The following BBX variants were observed in gnomAD, a reference collection of about 807,000 sequenced individuals.
BBX encodes HMG box transcription factor BBX.
A neutral mutation model predicts 100.2 loss-of-function variants in BBX; 30 were observed. The ratio of observed to expected loss-of-function variants is 0.30; its 90% CI spans 0.22 to 0.41. BBX has a LOEUF of 0.41. Ranked by LOEUF, BBX falls within the 10% of genes least tolerant of loss-of-function variation. The probability of loss-of-function intolerance (pLI) is 1.00; values close to 1 mark genes in which losing one functional copy is unlikely to be tolerated. For missense variants in BBX, 1,023 were observed against 1,129.8 expected (o/e 0.91, Z 1.35); for synonymous variants, 376 against 388.1 (o/e 0.97, Z 0.37).
intron 5 of BBX, among the ~76,000 whole-genome samples, chr3:107,723,592 G>A (rs912259687): frequency 1.1e-4 from 16 of 151,980 alleles, no homozygotes; most frequent in African/African-American, 3.9e-4. Context: ...CCCGGTGTGT[G>A]ATGTTCCCCT....
intron 14 of BBX, 104 bp downstream of exon 14, chr3:107,789,980 T>A: frequency 2.3e-6 from 2 of 860,708 alleles, no homozygotes; most frequent in Non-Finnish European, 3.5e-6. Flanking sequence ...TCCTCCCCTC[T>A]GCTTGCTTCA....
chr3:107,687,325 G>A (rs1165431578), intron 3 of BBX, among the ~76,000 whole-genome samples: 3 of 135,272 alleles, frequency 2.2e-5, no homozygotes, highest in Non-Finnish European at 4.7e-5. Context: ...CAGCTACACA[G>A]TTAAGTTTCT....
rs148514910 is a variant in BBX, at chr3:107,773,412, T to A, written c.1691T>A (p.Ile564Asn). ...ATTAGTATTTCTGCTAGCAAGAACA[T>A]TTCTGGTGAGACACCAGAGGGTATA... The part of the protein sequence containing the change: ...DFISISASKN[I>N]SGETPEGIKA... Residue 564 changes from isoleucine to asparagine, a missense_variant, in exon 11 of 18, where the codon ATT becomes AAT. Physicochemically the swap from Ile to Asn is moderately radical, Grantham distance 149. Transcript: ENST00000325805. The surrounding 1 kb of genome is among the most constrained non-coding windows in gnomAD (Gnocchi z 4.1). 65 of 1,613,936 alleles carry A rather than the reference T, an allele frequency of 4.0e-5. No homozygotes were observed. The Middle Eastern group carries it at 6.6e-4, about 16-fold the overall frequency.
At chr3:107,600,621 C>T (rs936369048) in intron 2 of BBX, among the ~76,000 whole-genome samples, 5 of 152,194 alleles carry the variant, frequency 3.3e-5, no homozygotes, top group African/African-American at 7.2e-5. Context: ...AATACACTGG[C>T]TGTTATAACC....
chr3:107,528,251 T>C (rs1236524088), intron 2 of BBX, among the ~76,000 whole-genome samples: 1 of 152,212 alleles, frequency 6.6e-6, no homozygotes, highest in African/African-American at 2.4e-5. Context: ...ACGTTTTTGC[T>C]TCTCCATTTC....
At chr3:107,618,420 T>C (rs1331604524) in intron 2 of BBX, among the ~76,000 whole-genome samples, 1 of 152,104 alleles carries the variant, frequency 6.6e-6, no homozygotes, top group Non-Finnish European at 1.5e-5. Flanking sequence ...CTGCTGTTTC[T>C]TCTTTTCTTA....
chr3:107,698,038 C>T (rs1275694454), intron 3 of BBX, among the ~76,000 whole-genome samples: 1 of 151,854 alleles, frequency 6.6e-6, no homozygotes, highest in Non-Finnish European at 1.5e-5. Flanking sequence ...TGAGGCAATG[C>T]CTCGCCCTGC....
At chr3:107,584,062 ATCATATAT>A (rs1559839780) in intron 2 of BBX, among the ~76,000 whole-genome samples, 1 of 17,760 alleles carries the variant, frequency 5.6e-5, no homozygotes, top group African/African-American at 2.7e-4. Flanking sequence ...TATTATATAT[ATCATATAT>A]TATATATATT....
In BBX at chr3:107,772,615, TTTAA is replaced by T. The variant is rs746925672; in HGVS notation, c.907-10_907-7del. The stretch of plus-strand genomic sequence containing the variant: ...ACTTTCGGGTGCTCTCCCATTTTGT[TTTAA>T]TTGTTTAGATGTGCCTGGCATCAGA... On this transcript the variant is annotated splice_polypyrimidine_tract_variant and intron_variant, in intron 10 of 17. Coordinates refer to ENST00000325805, the MANE Select transcript of BBX (RefSeq NM_001142568.3). 6.4e-7 allele frequency: 1 copy of T among 1,554,266 alleles called. No homozygotes were observed. Among genetic ancestry groups the T allele is most frequent in the South Asian group, 1.2e-5 (1 of 80,112 alleles).
chr3:107,582,066 C>T (rs1026233006), intron 2 of BBX, among the ~76,000 whole-genome samples: 3 of 151,860 alleles, frequency 2.0e-5, no homozygotes, highest in Non-Finnish European at 2.9e-5. Flanking sequence ...TAGGCAGAAG[C>T]AGTTATTTCT....
intron 2 of BBX, among the ~76,000 whole-genome samples, chr3:107,526,966 C>T (rs1396469239): frequency 6.6e-6 from 1 of 152,154 alleles, no homozygotes; most frequent in Non-Finnish European, 1.5e-5. Context: ...TCTTTTAAAA[C>T]TTACATGTTT....
chr3:107,628,656 G>A (rs976982399), intron 2 of BBX, among the ~76,000 whole-genome samples: 2 of 152,030 alleles, frequency 1.3e-5, no homozygotes, highest in Non-Finnish European at 2.9e-5. Context: ...ATTAGGACAC[G>A]TGAAATTGAA....
chr3:107,728,696 GT>G, intron 5 of BBX, 68 bp from the exon 6 acceptor site: 1 of 1,393,452 alleles, frequency 7.2e-7, no homozygotes, highest in Non-Finnish European at 9.9e-7. Flanking sequence ...GGGGAATGGG[GT>G]GACAGCCTTT....
At chr3:107,721,370 TTTTG>T (rs2062515146) in intron 5 of BBX, among the ~76,000 whole-genome samples, 1 of 152,062 alleles carries the variant, frequency 6.6e-6, no homozygotes, top group African/African-American at 2.4e-5. Flanking sequence ...TTTTGTTTTG[TTTTG>T]TTTTTTTTGC....
chr3:107,629,325 A>G (rs146955284), intron 2 of BBX, among the ~76,000 whole-genome samples: 30 of 152,350 alleles, frequency 2.0e-4, no homozygotes, highest in African/African-American at 7.2e-4. Flanking sequence ...CCATGAATAT[A>G]TAAATCCCAA....
chr3:107,774,799 G>A lies in BBX; in HGVS notation c.1996G>A (p.Gly666Arg). ...AGAAAGCTGGACATTTAGTCAGAGT[G>A]GGACCAGTGGGAGCAAGAAGTTCAA... ...NEESWTFSQS[G>R]TSGSKKFKKT... Residue 666 changes from glycine (G) to arginine (R), a missense_variant, in exon 12 of 18, where the codon GGG becomes AGG. Physicochemically the swap from Gly to Arg is moderately radical, Grantham distance 125. Transcript: ENST00000325805. 1 of 1,613,618 alleles carries A rather than the reference G, an allele frequency of 6.2e-7. No homozygotes were observed. Among genetic ancestry groups the A allele is most frequent in the Non-Finnish European group, 8.5e-7 (1 of 1,179,664 alleles).
chr3:107,757,935 A>G (rs1576660703), intron 10 of BBX, among the ~76,000 whole-genome samples: 1 of 152,332 alleles, frequency 6.6e-6, no homozygotes, highest in East Asian at 1.9e-4. Flanking sequence ...AATTTGGGCC[A>G]CACCCATCTC....
chr3:107,779,014 TATATATACACACAC>T lies in BBX; in HGVS notation c.2203+497_2203+510del, dbSNP rs1184861698. Among the ~76,000 whole-genome samples, 37 of 72,478 alleles carry T rather than the reference TATATATACACACAC, an allele frequency of 5.1e-4. 4 individuals are homozygous for T. The highest frequency in any genetic ancestry group is 2.0e-3 in the South Asian group (5 of 2,504). 47.5% of individuals were successfully genotyped at this position (72,478 alleles called of 152,430 possible). Reference sequence around the variant, plus strand: ...AGCAACATATATATATATATATATATATATATACACACACACACACACATATACATTGGTTTTGT... The same window carrying T: ...AGCAACATATATATATATATATATATACACACACATATACATTGGTTTTGT... On this transcript the variant is annotated intron_variant, in intron 13 of 17. Coordinates refer to ENST00000325805, the MANE Select transcript of BBX (RefSeq NM_001142568.3).
At chr3:107,655,924 T>A (rs2107831407) in intron 3 of BBX, among the ~76,000 whole-genome samples, 1 of 152,076 alleles carries the variant, frequency 6.6e-6, no homozygotes, top group African/African-American at 2.4e-5. Context: ...ATGGTCTCGA[T>A]CTCCTGACCT....
Sources: gnomAD v4.1 joint callset for allele counts (sites outside exome capture counted in the v4.1 genomes callset) on GRCh38, gnomAD v4.1.1 for gene constraint, Gnocchi (gnomAD v3.1) non-coding constraint, MANE v1.5 for transcripts, NCBI Gene and HGNC (gene_info 2026-07-23, HGNC 2026-07-21) for gene names.